Variants in WDR7 observed in about 807,000 individuals in gnomAD.
WDR7 encodes WD repeat-containing protein 7.
A neutral mutation model predicts 169.4 loss-of-function variants in WDR7; 46 were observed. The observed-to-expected ratio is 0.27, with a 90% CI of 0.21 to 0.35. The LOEUF is 0.35. WDR7 is among the 10% of genes least tolerant of loss of function. The pLI is 1.00. For synonymous variants in WDR7, 612 were observed against 666.8 expected (o/e 0.92, Z 1.27); for missense variants, 1,534 against 1,859.3 (o/e 0.83, Z 3.22).
In WDR7 at chr18:56,938,545, A is replaced by G; in HGVS notation, c.3844A>G (p.Thr1282Ala). 1 of 1,613,992 alleles carries G rather than the reference A, an allele frequency of 6.2e-7. No homozygotes were observed. The highest frequency in any genetic ancestry group is 8.5e-7 in the Non-Finnish European group (1 of 1,179,898). Residue 1282 changes from threonine (T) to alanine (A), a missense_variant, in exon 24 of 28, where the codon ACG becomes GCG. Physicochemically the swap from Thr to Ala is moderately conservative, Grantham distance 58. Transcript: ENST00000254442. ...TTIAKEVHRH[T>A]ALAANTQSQQ... ...AAATGTTTTGTAGGTACACAGACAT[A>G]CGGCTCTTGCAGCAAATACCCAATC... is the stretch of plus-strand genomic sequence containing the variant.
At chr18:56,685,890 T>C in intron 5 of WDR7, 66 bp from the exon 6 acceptor site, 1 of 1,267,126 alleles carries the variant, frequency 7.9e-7, no homozygotes, top group South Asian at 1.4e-5. Flanking sequence ...GCAAAACATC[T>C]TAATATTTAG....
At chr18:56,819,767 T>G (rs771361851) in intron 20 of WDR7, among the ~76,000 whole-genome samples, 45 of 152,174 alleles carry the variant, frequency 3.0e-4, no homozygotes, top group Admixed American at 5.2e-4. Context: ...TTTTAACTGC[T>G]TAATAGAATT....
intron 25 of WDR7, among the ~76,000 whole-genome samples, chr18:56,955,721 A>C (rs1184240029): frequency 1.3e-5 from 2 of 152,094 alleles, no homozygotes; most frequent in Non-Finnish European, 2.9e-5. Flanking sequence ...TGCACCTACC[A>C]GTGTTTACTA....
At chr18:56,808,557 T>C (rs1054055484) in intron 19 of WDR7, among the ~76,000 whole-genome samples, 1 of 152,184 alleles carries the variant, frequency 6.6e-6, no homozygotes, top group Admixed American at 6.6e-5. Context: ...ACTGAAGTGG[T>C]TTTATATTTC....
rs1402366510 is a variant in WDR7, at chr18:56,756,683, C to T, written c.2090C>T (p.Ala697Val). 5 of 1,613,944 alleles carry T rather than the reference C, an allele frequency of 3.1e-6. No homozygotes were observed. Among genetic ancestry groups the T allele is most frequent in the East Asian group, 4.5e-5 (2 of 44,882 alleles). The change falls in exon 15 of 28, where the codon GCG (alanine) becomes GTG (valine). Residue 697 changes from alanine to valine, a missense_variant. Ala to Val is a moderately conservative substitution (Grantham distance 64). Coordinates refer to ENST00000254442, the MANE Select transcript of WDR7 (RefSeq NM_015285.3). ...CATGTGCTATTCTTTGATGTGGAAGCGTTGATTATTCAACTCCTGACTGAA... is the reference window on the plus strand; with the variant it reads ...CATGTGCTATTCTTTGATGTGGAAGTGTTGATTATTCAACTCCTGACTGAA... ...DIHVLFFDVE[A>V]LIIQLLTEEA... is the part of the protein sequence containing the mutation.
chr18:56,759,959 T>C (rs989926259), intron 16 of WDR7, among the ~76,000 whole-genome samples: 2 of 152,176 alleles, frequency 1.3e-5, no homozygotes, highest in African/African-American at 4.8e-5. Context: ...ATGGTTCTCA[T>C]TGTGGAAGAT....
intron 1 of WDR7, among the ~76,000 whole-genome samples, chr18:56,658,946 G>C (rs1188513781): frequency 6.6e-6 from 1 of 152,082 alleles, no homozygotes; most frequent in Non-Finnish European, 1.5e-5. Flanking sequence ...TTGAACTCCT[G>C]ATCTTGTGAT....
intron 19 of WDR7, among the ~76,000 whole-genome samples, chr18:56,782,407 A>G (rs1311402469): frequency 6.6e-6 from 1 of 152,094 alleles, no homozygotes. Flanking sequence ...AAGTGACTAA[A>G]TTATAATCAA....
intron 12 of WDR7, among the ~76,000 whole-genome samples, chr18:56,714,628 G>T (rs1337750204): frequency 6.6e-6 from 1 of 151,706 alleles, no homozygotes; most frequent in Non-Finnish European, 1.5e-5. Flanking sequence ...TAGCCAGGCT[G>T]GTCTTGAACT....
At chr18:56,770,733 A>C (rs1049940176) in intron 16 of WDR7, among the ~76,000 whole-genome samples, 13 of 151,918 alleles carry the variant, frequency 8.6e-5, no homozygotes, top group African/African-American at 3.1e-4. Flanking sequence ...TGCTGCCTGC[A>C]CCTTTGTACT....
chr18:56,909,492 A>G (rs2046524579), intron 21 of WDR7, among the ~76,000 whole-genome samples: 1 of 152,192 alleles, frequency 6.6e-6, no homozygotes, highest in African/African-American at 2.4e-5. Context: ...AAATAATTAT[A>G]GCAAGTTAAA....
chr18:56,696,298 T>C lies in WDR7; in HGVS notation c.1414T>C (p.Tyr472His). 1 of 1,614,208 alleles carries C rather than the reference T, an allele frequency of 6.2e-7. No individual in the cohort carries two copies. The change falls in exon 12 of 28, where the codon TAT becomes CAT. Residue 472 changes from tyrosine to histidine, a missense_variant. Coordinates refer to ENST00000254442, the MANE Select transcript of WDR7 (RefSeq NM_015285.3). ...TCGGAACAAAGTCACATGTTTGCTA[T>C]ATCCTCATCAGGTCTCAGCTCGGTA... ...GHRNKVTCLLYPHQVSARYDQ... is the reference protein window; with the variant it reads ...GHRNKVTCLLHPHQVSARYDQ...
intron 9 of WDR7, among the ~76,000 whole-genome samples, chr18:56,693,529 A>G (rs1446738371): frequency 1.4e-5 from 2 of 141,012 alleles, no homozygotes; most frequent in Non-Finnish European, 3.1e-5. Context: ...GGGGTCCTCT[A>G]GTTGCACAAG....
intron 26 of WDR7, among the ~76,000 whole-genome samples, chr18:57,008,594 GTTC>G (rs2048097402): frequency 6.6e-6 from 1 of 152,126 alleles, no homozygotes; most frequent in Admixed American, 6.5e-5. Context: ...CTCATCTCTT[GTTC>G]TTCTCACCAA....
intron 23 of WDR7, among the ~76,000 whole-genome samples, chr18:56,938,291 T>C (rs2046985786): frequency 6.6e-6 from 1 of 152,240 alleles, no homozygotes; most frequent in African/African-American, 2.4e-5. Context: ...TTTTTAAACA[T>C]GTCATGATAG....
chr18:56,796,269 CCTT>C (rs1477680413), intron 19 of WDR7, among the ~76,000 whole-genome samples: 3 of 152,212 alleles, frequency 2.0e-5, no homozygotes, highest in Non-Finnish European at 4.4e-5. Flanking sequence ...ATATCTTCCT[CCTT>C]CACCTCCATT....
chr18:56,835,965 T>G (rs1306327104), intron 20 of WDR7, among the ~76,000 whole-genome samples: 3 of 152,198 alleles, frequency 2.0e-5, no homozygotes, highest in Non-Finnish European at 4.4e-5. Context: ...TAAGTGTACT[T>G]TATACTTTTC....
chr18:57,006,663 C>A (rs916771863), intron 26 of WDR7, among the ~76,000 whole-genome samples: 4 of 151,978 alleles, frequency 2.6e-5, no homozygotes, highest in Admixed American at 2.0e-4. Context: ...TACCTTTGGC[C>A]AAACTATAGG....
chr18:56,924,924 A>T (rs568795227), intron 22 of WDR7, among the ~76,000 whole-genome samples: 101 of 152,310 alleles, frequency 6.6e-4, no homozygotes, highest in African/African-American at 2.4e-3. Context: ...CATGCCCATT[A>T]AGCAGTCCTC....
Sources: allele counts gnomAD v4.1 joint callset (sites outside exome capture counted in the v4.1 genomes callset), GRCh38; gene constraint gnomAD v4.1.1; transcripts MANE v1.5; gene names NCBI Gene and HGNC (gene_info 2026-07-23, HGNC 2026-07-21).